Variants in DAOA observed in about 807,000 individuals in gnomAD.
The protein encoded by DAOA is D-amino acid oxidase activator, also known as D-amino acid oxidase regulator.
Under a neutral mutation model 16.4 loss-of-function variants are expected in DAOA, and 15 were observed. That is an observed-to-expected ratio of 0.91 (90% CI 0.61 to 1.41). The LOEUF (loss-of-function observed/expected upper bound fraction) is 1.41. DAOA is among the 40% of genes most tolerant of loss of function. The pLI is 0.00. For synonymous variants in DAOA, 75 were observed against 59.1 expected (o/e 1.27, Z -1.23); for missense variants, 230 against 176.8 (o/e 1.30, Z -1.71).
At chr13:105,466,440 C>T in intron 2 of DAOA, 108 bp downstream of exon 2, 1 of 1,571,546 alleles carries the variant, frequency 6.4e-7, no homozygotes, top group East Asian at 2.3e-5. Context: ...GGAAGTGGAA[C>T]ATGTCAGGGT....
intron 4 of DAOA, among the ~76,000 whole-genome samples, chr13:105,487,603 A>AG (rs1491577152): frequency 6.8e-6 from 1 of 147,308 alleles, no homozygotes; most frequent in Non-Finnish European, 1.5e-5. Context: ...AAAAAAAAAA[A>AG]CGGTTTGCAA....
At chr13:105,486,269 C>G (rs1878101471) in intron 4 of DAOA, among the ~76,000 whole-genome samples, 1 of 152,090 alleles carries the variant, frequency 6.6e-6, no homozygotes, top group Non-Finnish European at 1.5e-5. Flanking sequence ...TTCACTTCAT[C>G]AAAGTATTCT....
At chr13:105,472,482 T>C in intron 3 of DAOA, 56 bp from the exon 4 acceptor site, 2 of 1,546,914 alleles carry the variant, frequency 1.3e-6, no homozygotes, top group Non-Finnish European at 1.7e-6. Flanking sequence ...AACATGTATG[T>C]TAAAAGATGT....
At chr13:105,489,338 C>CAT (rs1016058397) in intron 4 of DAOA, among the ~76,000 whole-genome samples, 1 of 152,154 alleles carries the variant, frequency 6.6e-6, no homozygotes, top group African/African-American at 2.4e-5. Flanking sequence ...CCCAGTGTTT[C>CAT]AGTTTCCTCA....
At chr13:105,481,838 C>T (rs550808692) in intron 4 of DAOA, among the ~76,000 whole-genome samples, 111 of 152,214 alleles carry the variant, frequency 7.3e-4, no homozygotes, top group Non-Finnish European at 4.7e-4. Context: ...CTACTCTCCT[C>T]TCTTCCCTTA....
At chr13:105,483,912 C>A (rs1194790593) in intron 4 of DAOA, among the ~76,000 whole-genome samples, 1 of 152,046 alleles carries the variant, frequency 6.6e-6, no homozygotes, top group East Asian at 1.9e-4. Flanking sequence ...TTTATTCTTG[C>A]ATGGATCATG....
intron 4 of DAOA, among the ~76,000 whole-genome samples, chr13:105,479,009 T>A (rs898104029): frequency 1.3e-5 from 2 of 152,214 alleles, no homozygotes; most frequent in Non-Finnish European, 2.9e-5. Flanking sequence ...ATTCAACAAC[T>A]ATTCACTGGG....
At chr13:105,468,587 G>C (rs1341755104) in intron 3 of DAOA, among the ~76,000 whole-genome samples, 1 of 152,190 alleles carries the variant, frequency 6.6e-6, no homozygotes, top group Non-Finnish European at 1.5e-5. Context: ...ACAAATGTTA[G>C]CTGAGAGTGA....
At chr13:105,482,277 G>A (rs888566156) in intron 4 of DAOA, among the ~76,000 whole-genome samples, 1 of 151,910 alleles carries the variant, frequency 6.6e-6, no homozygotes, top group Admixed American at 6.6e-5. Context: ...ACTTTCTTTT[G>A]TCTCATGCCT....
Position 105,467,118 on chromosome 13 carries a change from C to A in DAOA, c.110C>A (p.Ser37Tyr). 3 of 1,610,014 alleles carry A rather than the reference C, an allele frequency of 1.9e-6. No individual in the cohort carries two copies. The highest frequency in any genetic ancestry group is 1.3e-5 in the African/African-American group (1 of 74,992). ...GFQRSILLSK[S>Y]ENSLNSIAKE... ...CAAAGGAGCATTCTTCTGAGCAAAT[C>A]TGAAAACTCTCTAAACTCTATTGGT... Residue 37 changes from serine (S) to tyrosine (Y), a missense_variant, in exon 3 of 6, where the codon TCT becomes TAT. Ser to Tyr is a moderately radical substitution (Grantham distance 144, BLOSUM62 -2). Coordinates refer to ENST00000375936, the MANE Select transcript of DAOA (RefSeq NM_172370.5).
At chr13:105,481,160 C>T (rs1877719457) in intron 4 of DAOA, among the ~76,000 whole-genome samples, 1 of 152,086 alleles carries the variant, frequency 6.6e-6, no homozygotes, top group African/African-American at 2.4e-5. Context: ...ATTAATTGGG[C>T]CATTGTGTTT....
In DAOA at chr13:105,467,042, T is replaced by C. The variant is rs1040888234; in HGVS notation, c.45-11T>C. 6.2e-7 allele frequency: 1 copy of C among 1,607,548 alleles called. No homozygotes were observed. Among genetic ancestry groups the C allele is most frequent in the African/African-American group, 1.3e-5 (1 of 74,848 alleles). On this transcript the variant is annotated splice_polypyrimidine_tract_variant and intron_variant, in intron 2 of 5. Coordinates refer to ENST00000375936, the MANE Select transcript of DAOA (RefSeq NM_172370.5). The stretch of plus-strand genomic sequence containing the variant: ...AATCTGAACACGACTGATATTTTCT[T>C]TAATTTTTAGATCCAGATATACATT...
chr13:105,469,052 C>T (rs1876741904), intron 3 of DAOA, among the ~76,000 whole-genome samples: 1 of 152,140 alleles, frequency 6.6e-6, no homozygotes, highest in Non-Finnish European at 1.5e-5. Context: ...CAGCAGACAT[C>T]AGTATGTTTC....
At chr13:105,483,296 G>C (rs1045218535) in intron 4 of DAOA, among the ~76,000 whole-genome samples, 6 of 152,134 alleles carry the variant, frequency 3.9e-5, no homozygotes, top group Non-Finnish European at 8.8e-5. Flanking sequence ...GCTGCTGTAA[G>C]TAAAGATGTG....
chr13:105,486,539 G>A (rs1387050361), intron 4 of DAOA, among the ~76,000 whole-genome samples: 1 of 151,928 alleles, frequency 6.6e-6, no homozygotes, highest in Non-Finnish European at 1.5e-5. Context: ...ATAAGACGTA[G>A]TACAAAATAT....
At chr13:105,467,171 T>A in intron 3 of DAOA, 30 bp downstream of exon 3, 1 of 1,553,518 alleles carries the variant, frequency 6.4e-7, no homozygotes, top group Non-Finnish European at 8.7e-7. Flanking sequence ...TATATGAATT[T>A]AAATTCTTCT....
chr13:105,466,910 G>T, intron 2 of DAOA, 143 bp from the exon 3 acceptor site: 1 of 1,092,302 alleles, frequency 9.2e-7, no homozygotes, highest in Non-Finnish European at 1.2e-6. Flanking sequence ...AAAATAAGAC[G>T]TATTTGGCTG....
chr13:105,478,165 A>G (rs1877473161), intron 4 of DAOA, among the ~76,000 whole-genome samples: 1 of 152,226 alleles, frequency 6.6e-6, no homozygotes, highest in African/African-American at 2.4e-5. Flanking sequence ...AACATCTAAC[A>G]ATACAGCTGC....
At chr13:105,477,110 A>G (rs1385965838) in intron 4 of DAOA, 1 of 152,146 alleles carries the variant, frequency 6.6e-6, no homozygotes, top group Non-Finnish European at 1.5e-5. Context: ...ACATCTTTCA[A>G]TCAGGCTCAT....
Sources: gnomAD v4.1 joint callset for allele counts (sites outside exome capture counted in the v4.1 genomes callset) on GRCh38, gnomAD v4.1.1 for gene constraint, MANE v1.5 for transcripts, NCBI Gene and HGNC (gene_info 2026-07-23, HGNC 2026-07-21) for gene names.